The following KCNQ5 variants were observed in gnomAD, a reference collection of about 807,000 sequenced individuals.
The protein encoded by KCNQ5 is potassium voltage-gated channel subfamily KQT member 5.
KCNQ5 carries 30 observed loss-of-function variants against 98.2 expected under a neutral mutation model. The ratio of observed to expected loss-of-function variants is 0.31; its 90% confidence interval spans 0.23 to 0.41. KCNQ5 has a LOEUF of 0.41. Among genes scored for constraint, KCNQ5 ranks in the 10% least tolerant of loss-of-function variants. The pLI, the probability that KCNQ5 is intolerant of heterozygous loss-of-function variation, is 1.00. For synonymous variants in KCNQ5, 458 were observed against 449.4 expected (o/e 1.02, Z -0.24); for missense variants, 835 against 1,182.5 (o/e 0.71, Z 4.31).
At chr6:72,863,460 TTTGCATAAGA>T (rs1451973113) in intron 1 of KCNQ5, among the ~76,000 whole-genome samples, 1 of 152,236 alleles carries the variant, frequency 6.6e-6, no homozygotes, top group African/African-American at 2.4e-5. Flanking sequence ...GATTCCTGTT[TTTGCATAAGA>T]TTGCATGAAA....
chr6:73,049,519 A>G (rs1772118777), intron 3 of KCNQ5, among the ~76,000 whole-genome samples: 1 of 152,186 alleles, frequency 6.6e-6, no homozygotes, highest in Non-Finnish European at 1.5e-5. Flanking sequence ...GCCTCCCAAT[A>G]GCTCATTGCT....
At chr6:72,878,002 G>A (rs796669529) in intron 1 of KCNQ5, among the ~76,000 whole-genome samples, 8 of 152,348 alleles carry the variant, frequency 5.3e-5, no homozygotes, top group African/African-American at 1.9e-4. Flanking sequence ...CGGGTACAGT[G>A]GCTCATGCCT....
At chr6:72,777,613 C>T (rs1298696787) in intron 1 of KCNQ5, among the ~76,000 whole-genome samples, 2 of 152,180 alleles carry the variant, frequency 1.3e-5, no homozygotes, top group African/African-American at 4.8e-5. Flanking sequence ...ATTTAAACAA[C>T]AACAACAAAA....
chr6:72,892,268 A>G (rs1231383815), intron 1 of KCNQ5, among the ~76,000 whole-genome samples: 1 of 152,198 alleles, frequency 6.6e-6, no homozygotes, highest in Non-Finnish European at 1.5e-5. Flanking sequence ...TTTATGCACA[A>G]CTGAAAGTTC....
intron 1 of KCNQ5, among the ~76,000 whole-genome samples, chr6:72,837,997 C>T (rs1036697495): frequency 6.6e-6 from 1 of 151,558 alleles, no homozygotes; most frequent in Admixed American, 6.6e-5. Flanking sequence ...TACATGTGCA[C>T]AACGTGCAGG....
At chr6:72,655,466 T>TGA (rs1194837425) in intron 1 of KCNQ5, among the ~76,000 whole-genome samples, 1 of 151,978 alleles carries the variant, frequency 6.6e-6, no homozygotes. Context: ...AGCATCTGGT[T>TGA]GAGAGAGAGC....
chr6:72,848,747 A>G (rs1302493269), intron 1 of KCNQ5, among the ~76,000 whole-genome samples: 2 of 152,164 alleles, frequency 1.3e-5, no homozygotes, highest in Non-Finnish European at 2.9e-5. Context: ...GATTACCCCC[A>G]TGCTGTTCTG....
At chr6:72,867,732 G>T (rs1166562054) in intron 1 of KCNQ5, among the ~76,000 whole-genome samples, 1 of 151,684 alleles carries the variant, frequency 6.6e-6, no homozygotes, top group Non-Finnish European at 1.5e-5. Context: ...GAGGACAGGA[G>T]TTAAAGACCA....
rs376014252 is a variant in KCNQ5, at chr6:72,685,209, C to G, written c.398+62622C>G. Among the ~76,000 whole-genome samples the G allele has an allele frequency of 7.9e-5, 12 of 152,202 alleles. No individual in the cohort carries two copies. In the South Asian group the frequency reaches 2.3e-3, roughly 29 times the overall value. ...AGTAACCTGTATTGAAAGCCTGGAC[C>G]CAAAGAGCTGAGGTCCTAATTCAAT... On this transcript the variant is annotated intron_variant, in intron 1 of 13. Coordinates refer to ENST00000370398, the MANE Select transcript of KCNQ5 (RefSeq NM_019842.4).
intron 1 of KCNQ5, among the ~76,000 whole-genome samples, chr6:72,676,700 CT>C (rs1372557347): frequency 6.6e-6 from 1 of 152,010 alleles, no homozygotes; most frequent in East Asian, 1.9e-4. Flanking sequence ...TCTATTTTTG[CT>C]TTTTTCCATA....
intron 2 of KCNQ5, among the ~76,000 whole-genome samples, chr6:73,032,414 T>C (rs1562137723): frequency 6.6e-6 from 1 of 152,042 alleles, no homozygotes. Flanking sequence ...GTGATCTGCT[T>C]ACCAAGGTCT....
chr6:73,194,812 G>A lies in KCNQ5; in HGVS notation c.2197G>A (p.Ala733Thr). ...AGCAGTGGCAGCCACCAACACCATT[G>A]CAAACCAAATAAATACGGCACCCAA... is the stretch of plus-strand genomic sequence containing the variant. ...GSAVAATNTIANQINTAPKPA... is the reference protein window; with the variant it reads ...GSAVAATNTITNQINTAPKPA... Residue 733 changes from alanine to threonine, a missense_variant, in exon 14 of 14, where the codon GCA becomes ACA. By Grantham distance (58) the Ala-to-Thr change is moderately conservative. Around this residue, in one of 10 missense-constraint regions of KCNQ5, gnomAD observed 416 missense variants for 446.9 expected, o/e 0.93. Coordinates refer to ENST00000370398, the MANE Select transcript of KCNQ5 (RefSeq NM_019842.4). 6.2e-7 allele frequency: 1 copy of A among 1,614,090 alleles called. No individual in the cohort carries two copies. The highest frequency in any genetic ancestry group is 8.5e-7 in the Non-Finnish European group (1 of 1,180,024).
chr6:73,002,790 T>C (rs188601776), intron 1 of KCNQ5, among the ~76,000 whole-genome samples: 166 of 152,266 alleles, frequency 1.1e-3, no homozygotes, highest in African/African-American at 3.9e-3. Flanking sequence ...TAAAACTTTA[T>C]TTACACAAAC....
intron 5 of KCNQ5, among the ~76,000 whole-genome samples, chr6:73,085,099 A>G (rs1388448902): frequency 6.6e-6 from 1 of 152,178 alleles, no homozygotes; most frequent in Non-Finnish European, 1.5e-5. Context: ...ATGAATATCT[A>G]TGCAGCGCTC....
Position 73,158,819 on chromosome 6 carries a change from C to T in KCNQ5, c.1469-10927C>T, listed in dbSNP as rs934498443. On this transcript the variant is annotated intron_variant, in intron 10 of 13. Transcript: ENST00000370398. ...GTAGTTTCATATTTTAATTTCATTGCACATTTTTAAATATTTTCATGTTAT... is the reference window on the plus strand; with the variant it reads ...GTAGTTTCATATTTTAATTTCATTGTACATTTTTAAATATTTTCATGTTAT... Among the ~76,000 whole-genome samples, 3 of 151,952 alleles carry T rather than the reference C, an allele frequency of 2.0e-5. No homozygotes were observed. In the East Asian group the frequency reaches 5.8e-4, roughly 29 times the overall value.
At chr6:72,876,161 G>A (rs1039886932) in intron 1 of KCNQ5, among the ~76,000 whole-genome samples, 11 of 151,936 alleles carry the variant, frequency 7.2e-5, no homozygotes, top group Admixed American at 7.2e-4. Context: ...TAATTATAAA[G>A]CCTAGTTTTT....
chr6:72,966,937 A>C (rs974527999), intron 1 of KCNQ5, among the ~76,000 whole-genome samples: 1 of 152,208 alleles, frequency 6.6e-6, no homozygotes, highest in Non-Finnish European at 1.5e-5. Flanking sequence ...TGGAGGAATT[A>C]AGGAATGTGG....
chr6:72,752,136 G>T (rs1482463770), intron 1 of KCNQ5, among the ~76,000 whole-genome samples: 2 of 152,118 alleles, frequency 1.3e-5, no homozygotes, highest in Non-Finnish European at 2.9e-5. Flanking sequence ...TCTTGAAGGA[G>T]ACCCCAAATC....
At chr6:72,664,738 G>A (rs750688953) in intron 1 of KCNQ5, among the ~76,000 whole-genome samples, 1 of 152,086 alleles carries the variant, frequency 6.6e-6, no homozygotes, top group Non-Finnish European at 1.5e-5. Context: ...AATAAACTGA[G>A]CTCATGAAAT....
Sources: allele counts gnomAD v4.1 joint callset (sites outside exome capture counted in the v4.1 genomes callset), GRCh38; gene constraint gnomAD v4.1.1; regional missense constraint gnomAD v4.1.1; transcripts MANE v1.5; gene names NCBI Gene and HGNC (gene_info 2026-07-23, HGNC 2026-07-21).